Variants in TSHZ2 observed in about 807,000 individuals in gnomAD.
The protein encoded by TSHZ2 is teashirt zinc finger homeobox 2, also known as teashirt homolog 2.
TSHZ2 carries 21 observed loss-of-function variants against 74.4 expected under a neutral mutation model. The ratio of observed to expected loss-of-function variants is 0.28; its 90% CI spans 0.20 to 0.41. The LOEUF is 0.41. Ranked by LOEUF, TSHZ2 falls within the 10% of genes least tolerant of loss-of-function variation. The pLI, the probability that TSHZ2 is intolerant of heterozygous loss-of-function variation, is 1.00. For missense variants in TSHZ2, 1,244 were observed against 1,293.5 expected, an observed-to-expected ratio of 0.96 and a Z score of 0.59; for synonymous variants, 540 against 515.3, an observed-to-expected ratio of 1.05 and a Z score of -0.65.
chr20:53,281,911 G>A (rs891816816), intron 2 of TSHZ2, among the ~76,000 whole-genome samples: 54 of 152,308 alleles, frequency 3.5e-4, no homozygotes, highest in African/African-American at 1.2e-3. Flanking sequence ...ACACTTGAAG[G>A]CAGCAAGGGC....
At chr20:53,330,208 G>A (rs1979670082) in intron 2 of TSHZ2, among the ~76,000 whole-genome samples, 1 of 151,822 alleles carries the variant, frequency 6.6e-6, no homozygotes, top group African/African-American at 2.4e-5. Flanking sequence ...CTTTTGGCTT[G>A]AAATAATTAT....
chr20:53,175,131 CTTTTTT>C (rs750453219), intron 1 of TSHZ2, among the ~76,000 whole-genome samples: 16,358 of 63,406 alleles, frequency 0.26, 1,352 homozygotes, highest in Middle Eastern at 0.42. Flanking sequence ...CTTCTTCTTT[CTTTTTT>C]TTTTTTTTTT....
chr20:53,207,273 C>T (rs143383695), intron 1 of TSHZ2, among the ~76,000 whole-genome samples: 65 of 152,114 alleles, frequency 4.3e-4, no homozygotes, highest in Admixed American at 4.6e-4. Flanking sequence ...GAGAAATCCA[C>T]GAGCACCAAT....
chr20:53,383,658 G>C (rs904917876), intron 2 of TSHZ2, among the ~76,000 whole-genome samples: 14 of 152,302 alleles, frequency 9.2e-5, no homozygotes, highest in African/African-American at 3.4e-4. Context: ...CTACTCGGGA[G>C]GCTGAAGCAG....
At chr20:53,006,092 G>A (rs561335071) in intron 1 of TSHZ2, among the ~76,000 whole-genome samples, 11 of 152,194 alleles carry the variant, frequency 7.2e-5, no homozygotes, top group African/African-American at 2.4e-4. Context: ...ATTCACTTAC[G>A]AGCCTAAAGT....
At chr20:52,983,876 G>C (rs1393428426) in intron 1 of TSHZ2, among the ~76,000 whole-genome samples, 4 of 152,166 alleles carry the variant, frequency 2.6e-5, no homozygotes, top group Admixed American at 2.0e-4. Flanking sequence ...GGTGCTCCGA[G>C]CCCCCCAGGA....
At chr20:53,430,762 T>C (rs1176901380) in intron 2 of TSHZ2, among the ~76,000 whole-genome samples, 1 of 152,156 alleles carries the variant, frequency 6.6e-6, no homozygotes, top group East Asian at 1.9e-4. Context: ...TTTAGTTTTG[T>C]TTTGTTTTTG....
chr20:53,454,488 G>T (rs1441968475), intron 2 of TSHZ2, among the ~76,000 whole-genome samples: 1 of 152,012 alleles, frequency 6.6e-6, no homozygotes, highest in Non-Finnish European at 1.5e-5. Flanking sequence ...CTTGAACCCA[G>T]GAGGTGGAGG....
At chr20:53,391,798 AC>A (rs2032050541) in intron 2 of TSHZ2, among the ~76,000 whole-genome samples, 1 of 151,974 alleles carries the variant, frequency 6.6e-6, no homozygotes, top group Non-Finnish European at 1.5e-5. Flanking sequence ...CAAAAATTAG[AC>A]AGACGTGGTG....
intron 2 of TSHZ2, among the ~76,000 whole-genome samples, chr20:53,364,368 G>A (rs552401295): frequency 3.3e-5 from 5 of 152,148 alleles, no homozygotes; most frequent in South Asian, 2.1e-4. Context: ...TTGCCTTCCC[G>A]CTCAGCATGT....
chr20:53,291,941 T>C (rs1283607086), intron 2 of TSHZ2, among the ~76,000 whole-genome samples: 1 of 151,524 alleles, frequency 6.6e-6, no homozygotes, highest in Non-Finnish European at 1.5e-5. Context: ...ATATTAGTAA[T>C]TTCTGAAGGG....
chr20:53,332,971 C>T (rs6022394), intron 2 of TSHZ2, among the ~76,000 whole-genome samples: 38,568 of 152,072 alleles, frequency 0.25, 5,391 homozygotes, highest in East Asian at 0.43. Flanking sequence ...TCAGCTCCTG[C>T]ATTAACTACA....
intron 1 of TSHZ2, among the ~76,000 whole-genome samples, chr20:53,073,588 ATTAC>A (rs1470290477): frequency 2.0e-5 from 3 of 152,172 alleles, no homozygotes; most frequent in East Asian, 1.9e-4. Context: ...AATTTTCTCT[ATTAC>A]TTAAATACAG....
intron 2 of TSHZ2, among the ~76,000 whole-genome samples, chr20:53,349,714 T>A (rs535830801): frequency 6.6e-6 from 1 of 152,202 alleles, no homozygotes; most frequent in South Asian, 2.1e-4. Flanking sequence ...ACACTTACTA[T>A]TTTTAAAAAT....
intron 2 of TSHZ2, among the ~76,000 whole-genome samples, chr20:53,373,202 C>G (rs1379734579): frequency 6.6e-6 from 1 of 152,200 alleles, no homozygotes; most frequent in African/African-American, 2.4e-5. Flanking sequence ...CTATGGTTTT[C>G]TATAATTCTG....
intron 2 of TSHZ2, among the ~76,000 whole-genome samples, chr20:53,384,090 C>T (rs1277142688): frequency 2.6e-5 from 4 of 152,232 alleles, no homozygotes; most frequent in African/African-American, 9.6e-5. Flanking sequence ...GGAAGGCCCC[C>T]AGAGACAAAA....
chr20:53,425,288 T>C (rs1983616043), intron 2 of TSHZ2, among the ~76,000 whole-genome samples: 1 of 152,204 alleles, frequency 6.6e-6, no homozygotes, highest in Non-Finnish European at 1.5e-5. Context: ...TGGAACCTCA[T>C]TATCATTCCA....
At chr20:53,464,103 T>C (rs1985485396) in intron 2 of TSHZ2, among the ~76,000 whole-genome samples, 2 of 152,076 alleles carry the variant, frequency 1.3e-5, no homozygotes, top group Admixed American at 6.6e-5. Flanking sequence ...ATGGGCCAAG[T>C]CAACAGAAAA....
chr20:53,160,465 G>A (rs1331805011), intron 1 of TSHZ2, among the ~76,000 whole-genome samples: 1 of 152,132 alleles, frequency 6.6e-6, no homozygotes, highest in Non-Finnish European at 1.5e-5. Flanking sequence ...CACAAGTGCA[G>A]TAATAAGACA....
Sources: gnomAD v4.1 joint callset for allele counts (sites outside exome capture counted in the v4.1 genomes callset) on GRCh38, gnomAD v4.1.1 for gene constraint, MANE v1.5 for transcripts, NCBI Gene and HGNC (gene_info 2026-07-23, HGNC 2026-07-21) for gene names.